The following KCNT2 variants were observed in gnomAD, a reference collection of about 807,000 sequenced individuals.
The protein encoded by KCNT2 is potassium sodium-activated channel subfamily T member 2.
In KCNT2, 67 loss-of-function variants were observed where a neutral mutation model predicts 153.8. That is an observed-to-expected ratio of 0.44 (90% CI 0.36 to 0.53). The LOEUF (loss-of-function observed/expected upper bound fraction) is 0.53. KCNT2 is among the 20% of genes least tolerant of loss of function. KCNT2 has a pLI of 0.00. For missense variants in KCNT2, 975 were observed against 1,354.8 expected (o/e 0.72, Z 4.40); for synonymous variants, 500 against 458.8 (o/e 1.09, Z -1.15).
intron 1 of KCNT2, among the ~76,000 whole-genome samples, chr1:196,576,132 C>A: frequency 6.7e-6 from 1 of 150,158 alleles, no homozygotes. Flanking sequence ...TTAAAGAATC[C>A]TAACATCGAT....
chr1:196,509,799 G>C (rs762601826), intron 1 of KCNT2, among the ~76,000 whole-genome samples: 2 of 152,132 alleles, frequency 1.3e-5, no homozygotes, highest in East Asian at 1.9e-4. Context: ...ACAATGATGA[G>C]AGTGTGCCAC....
chr1:196,492,118 C>A, intron 2 of KCNT2, 144 bp downstream of exon 2: 3 of 767,804 alleles, frequency 3.9e-6, no homozygotes, highest in Non-Finnish European at 5.6e-6. Context: ...GAAAAAATAA[C>A]CAATTTTATT....
chr1:196,590,175 T>C (rs984283940), intron 1 of KCNT2, among the ~76,000 whole-genome samples: 1 of 152,116 alleles, frequency 6.6e-6, no homozygotes, highest in Non-Finnish European at 1.5e-5. Flanking sequence ...AAAGCAGACA[T>C]TGAAAGGAAT....
intron 8 of KCNT2, among the ~76,000 whole-genome samples, chr1:196,463,095 A>G (rs1677294994): frequency 6.6e-6 from 1 of 151,722 alleles, no homozygotes; most frequent in African/African-American, 2.4e-5. Context: ...GATATAAGGA[A>G]AATTATTCCC....
chr1:196,575,994 ATTG>A (rs1462734525), intron 1 of KCNT2, among the ~76,000 whole-genome samples: 2 of 151,058 alleles, frequency 1.3e-5, no homozygotes, highest in African/African-American at 2.4e-5. Context: ...AAAAAAAAAA[ATTG>A]AAGAAGAGAT....
chr1:196,358,123 T>C (rs1190774795), intron 14 of KCNT2, among the ~76,000 whole-genome samples: 4 of 151,810 alleles, frequency 2.6e-5, no homozygotes, highest in Non-Finnish European at 4.4e-5. Flanking sequence ...CCAAAGCAAA[T>C]ATCATCTCTT....
chr1:196,568,847 G>T (rs1660442343), intron 1 of KCNT2, among the ~76,000 whole-genome samples: 1 of 151,482 alleles, frequency 6.6e-6, no homozygotes, highest in Non-Finnish European at 1.5e-5. Flanking sequence ...TTGAATGCAT[G>T]CCAGAAAGAC....
At chr1:196,600,204 T>A (rs1020996770) in intron 1 of KCNT2, among the ~76,000 whole-genome samples, 1 of 152,190 alleles carries the variant, frequency 6.6e-6, no homozygotes, top group African/African-American at 2.4e-5. Context: ...CTGGCCTCCA[T>A]GGAGCCTAGT....
At chr1:196,539,813 A>T (rs1558055482) in intron 1 of KCNT2, among the ~76,000 whole-genome samples, 3 of 151,862 alleles carry the variant, frequency 2.0e-5, no homozygotes, top group East Asian at 3.9e-4. Flanking sequence ...CAATAATTAA[A>T]TATAATACAT....
At chr1:196,237,602 T>C (rs79524406) in intron 26 of KCNT2, among the ~76,000 whole-genome samples, 2,552 of 151,952 alleles carry the variant, frequency 0.017, 34 homozygotes, top group Non-Finnish European at 0.027. Flanking sequence ...TCTCAGTCTG[T>C]CACTCAGGCT....
At chr1:196,464,360 A>T (rs1332269558) in intron 8 of KCNT2, among the ~76,000 whole-genome samples, 1 of 151,936 alleles carries the variant, frequency 6.6e-6, no homozygotes, top group Non-Finnish European at 1.5e-5. Context: ...TTTTTAAATG[A>T]TAAAAGTATG....
In KCNT2 at chr1:196,233,763, G is replaced by A. The variant is rs541505836; in HGVS notation, c.3296+2223C>T. On this transcript the variant is annotated intron_variant, in intron 27 of 27. Coordinates refer to ENST00000294725, the MANE Select transcript of KCNT2 (RefSeq NM_198503.5). ...ACATAGTCAGTGTTAAATGAAATAAGCCACAGAAAAACAACATAGTCAGTG... is the reference window on the plus strand; with the variant it reads ...ACATAGTCAGTGTTAAATGAAATAAACCACAGAAAAACAACATAGTCAGTG... Among the ~76,000 whole-genome samples, 3 of 151,428 alleles carry A rather than the reference G, an allele frequency of 2.0e-5. No homozygotes were observed. The South Asian group carries it at 6.2e-4, about 31-fold the overall frequency.
At chr1:196,509,964 G>A (rs1007166829) in intron 1 of KCNT2, among the ~76,000 whole-genome samples, 31 of 152,222 alleles carry the variant, frequency 2.0e-4, no homozygotes, top group Admixed American at 1.4e-3. Context: ...AATGTTTAGC[G>A]CTAGTAGGAA....
chr1:196,386,058 C>T lies in KCNT2; in HGVS notation c.1294+12505G>A, dbSNP rs1669953585. 2.0e-5 allele frequency among the ~76,000 whole-genome samples: 3 copies of T among 152,090 alleles called. No individual in the cohort carries two copies. The South Asian group carries it at 6.2e-4, about 31-fold the overall frequency. On this transcript the variant is annotated intron_variant, in intron 13 of 27. Transcript: ENST00000294725. ...CATCTGCCCTGGGAAAAGCCAGCTG[C>T]CACATCATGAGGATGCTCGAGCAGC...
At chr1:196,456,851 C>T (rs1676714698) in intron 8 of KCNT2, among the ~76,000 whole-genome samples, 1 of 151,812 alleles carries the variant, frequency 6.6e-6, no homozygotes, top group South Asian at 2.1e-4. Context: ...AGAAAAGTTA[C>T]CTAAAAGCCC....
chr1:196,272,477 G>A (rs1658162939), intron 25 of KCNT2, among the ~76,000 whole-genome samples: 1 of 151,670 alleles, frequency 6.6e-6, no homozygotes, highest in Non-Finnish European at 1.5e-5. Context: ...GGATGCATTT[G>A]GTGCCTAGTG....
At chr1:196,239,343 T>C (rs899516271) in intron 26 of KCNT2, among the ~76,000 whole-genome samples, 4 of 151,864 alleles carry the variant, frequency 2.6e-5, no homozygotes, top group African/African-American at 9.7e-5. Context: ...CTGAAAATAA[T>C]ATTTTTGAAT....
At chr1:196,300,156 T>C (rs746451460) in intron 22 of KCNT2, among the ~76,000 whole-genome samples, 3 of 152,152 alleles carry the variant, frequency 2.0e-5, no homozygotes, top group Non-Finnish European at 2.9e-5. Flanking sequence ...TGAAGTTACA[T>C]AGGTAATGAT....
At chr1:196,251,761 G>C (rs1655991889) in intron 26 of KCNT2, among the ~76,000 whole-genome samples, 2 of 151,910 alleles carry the variant, frequency 1.3e-5, no homozygotes, top group Non-Finnish European at 2.9e-5. Context: ...AAGTGGATTG[G>C]TTATAACACA....
Sources: gnomAD v4.1 joint callset for allele counts (sites outside exome capture counted in the v4.1 genomes callset) on GRCh38, gnomAD v4.1.1 for gene constraint, MANE v1.5 for transcripts, NCBI Gene and HGNC (gene_info 2026-07-23, HGNC 2026-07-21) for gene names.